Variants in KIFC3 observed in about 807,000 individuals in gnomAD.
The protein encoded by KIFC3 is kinesin family member C3.
Under a neutral mutation model 101.8 loss-of-function variants are expected in KIFC3, and 60 were observed. The ratio of observed to expected loss-of-function variants is 0.59; its 90% CI spans 0.48 to 0.73. The LOEUF (loss-of-function observed/expected upper bound fraction) is 0.73, where lower values mean the gene tolerates loss of function less well. KIFC3 is among the 30% of genes least tolerant of loss of function. The pLI is 0.00. For missense variants in KIFC3, 966 were observed against 1,137.1 expected (o/e 0.85, Z 2.16); for synonymous variants, 476 against 482.7 (o/e 0.99, Z 0.18).
chr16:57,789,524 G>A (rs1237428549), intron 3 of KIFC3, among the ~76,000 whole-genome samples: 1 of 152,334 alleles, frequency 6.6e-6, no homozygotes, highest in Admixed American at 6.5e-5. Context: ...TATAGACAGC[G>A]ATCCTCTCTG....
chr16:57,808,098 A>T (rs190325782), upstream of KIFC3: 1 of 152,290 alleles, frequency 6.6e-6, no homozygotes, highest in Admixed American at 6.5e-5. Context: ...CTAAAGCCTT[A>T]TGACTCAAGG....
chr16:57,812,441 C>T (rs2055108302), intron 1 of KIFC3, among the ~76,000 whole-genome samples: 1 of 151,876 alleles, frequency 6.6e-6, no homozygotes, highest in Non-Finnish European at 1.5e-5. Context: ...CCTCTGCAAT[C>T]ATCCCCCTCT....
At chr16:57,799,375 G>A (rs2054577644) in intron 1 of KIFC3, among the ~76,000 whole-genome samples, 1 of 152,096 alleles carries the variant, frequency 6.6e-6, no homozygotes. Context: ...CTTCCTAGTG[G>A]AGCTTCCTGG....
Position 57,769,533 on chromosome 16 carries a change from T to C in KIFC3, c.1218+62A>G. ...GCTTTGGAGGGACGCCCTGAGTGGATGTCGTGCCTCTCCCAGTGCACCCCC... is the reference window on the plus strand; with the variant it reads ...GCTTTGGAGGGACGCCCTGAGTGGACGTCGTGCCTCTCCCAGTGCACCCCC... On this transcript the variant is annotated intron_variant, in intron 9 of 19. Coordinates refer to ENST00000445690, the MANE Select transcript of KIFC3 (RefSeq NM_001130100.2). This position sits in a 1 kb window ranked among gnomAD's most constrained non-coding sequence, Gnocchi z 4.3. 1 of 1,550,762 alleles carries C rather than the reference T, an allele frequency of 6.4e-7. No homozygotes were observed. Among genetic ancestry groups the C allele is most frequent in the Admixed American group, 1.8e-5 (1 of 56,480 alleles).
chr16:57,805,231 G>A (rs1555626690), upstream of KIFC3, among the ~76,000 whole-genome samples: 4 of 152,124 alleles, frequency 2.6e-5, no homozygotes. Context: ...TCCTGCTTCA[G>A]CCTCCCAAAG....
Position 57,837,513 on chromosome 16 carries a change from A to T in KIFC3, c.108+25216T>A, listed in dbSNP as rs1426888454. 3.0e-5 allele frequency among the ~76,000 whole-genome samples: 4 copies of T among 132,550 alleles called. No individual in the cohort carries two copies. The Admixed American group carries it at 3.2e-4, about 11-fold the overall frequency. 87.0% of individuals were successfully genotyped at this position (132,550 alleles called of 152,430 possible). On this transcript the variant is annotated intron_variant, in intron 1 of 2. Transcript: ENST00000563028. ...GAGAAAGACGGAAGGAAGGAGAAAG[A>T]AAGAAAGAAAAGAGAAAGAAAGAAA...
chr16:57,862,686 T>C, intron 1 of KIFC3: 1 of 775,642 alleles, frequency 1.3e-6, no homozygotes, highest in Non-Finnish European at 1.9e-6. Flanking sequence ...CCAACAGGCC[T>C]CCTCCTCCCA....
chr16:57,834,510 T>G (rs1481781617), intron 1 of KIFC3, among the ~76,000 whole-genome samples: 1 of 152,066 alleles, frequency 6.6e-6, no homozygotes, highest in East Asian at 1.9e-4. Flanking sequence ...TTTTATTTAT[T>G]TATTATTTTA....
At chr16:57,799,656 A>T (rs1568060350) in intron 1 of KIFC3, among the ~76,000 whole-genome samples, 1 of 152,216 alleles carries the variant, frequency 6.6e-6, no homozygotes. Flanking sequence ...AGAGCTAAAC[A>T]GGGCCACCAA....
In KIFC3 at chr16:57,769,758, G is replaced by C. The variant is rs781933404; in HGVS notation, c.1088-33C>G. On this transcript the variant is annotated intron_variant, in intron 8 of 19. Transcript: ENST00000445690. The surrounding 1 kb of genome is among the most constrained non-coding windows in gnomAD (Gnocchi z 4.3). ...GACACTCGGGCTGTGAGGCGGGAGG[G>C]GATGAGGGGCCGCGGCGTGGGGCAG... is the stretch of plus-strand genomic sequence containing the variant. 9.9e-6 allele frequency: 16 copies of C among 1,612,550 alleles called. No homozygotes were observed. The Admixed American group carries it at 2.5e-4, about 25-fold the overall frequency.
At chr16:57,820,770 G>A (rs1451728838) in intron 1 of KIFC3, among the ~76,000 whole-genome samples, 2 of 152,208 alleles carry the variant, frequency 1.3e-5, no homozygotes, top group Admixed American at 1.3e-4. Context: ...GCTTAGCACA[G>A]TGCTTCCACA....
intron 3 of KIFC3, chr16:57,774,926 C>A (rs1015061902): frequency 1.4e-6 from 2 of 1,473,906 alleles, no homozygotes; most frequent in Non-Finnish European, 9.0e-7. Flanking sequence ...TCCTTCCACG[C>A]CCCCTCCCTC....
chr16:57,817,692 A>C (rs782121310), intron 1 of KIFC3, among the ~76,000 whole-genome samples: 3 of 152,198 alleles, frequency 2.0e-5, no homozygotes, highest in Non-Finnish European at 4.4e-5. Context: ...TGACCTCTGC[A>C]TACCTCTGCA....
intron 1 of KIFC3, chr16:57,815,738 A>G (rs1453952738): frequency 4.6e-6 from 5 of 1,096,230 alleles, no homozygotes; most frequent in Middle Eastern, 2.6e-4. Context: ...CCACCCAGCC[A>G]TGGCTTGTCC....
chr16:57,818,603 C>G (rs998077193), intron 1 of KIFC3, among the ~76,000 whole-genome samples: 1 of 152,152 alleles, frequency 6.6e-6, no homozygotes, highest in African/African-American at 2.4e-5. Flanking sequence ...CTCAAGGGAT[C>G]CTCCTGCCTC....
Position 57,769,494 on chromosome 16 carries a change from G to A in KIFC3, c.1218+101C>T. On this transcript the variant is annotated intron_variant, in intron 9 of 19. Transcript: ENST00000445690. This position sits in a 1 kb window ranked among gnomAD's most constrained non-coding sequence, Gnocchi z 4.3. ...GGGTGGGGCAGGGGCTGCTGTCTGA[G>A]CGGCTTTGTCTGAGCTTTGGAGGGA... 10 of 1,454,732 alleles carry A rather than the reference G, an allele frequency of 6.9e-6. No homozygotes were observed. The South Asian group carries it at 1.2e-4, about 17-fold the overall frequency. 90.1% of individuals were successfully genotyped at this position (1,454,732 alleles called of 1,614,324 possible).
chr16:57,862,508 CA>C (rs1959357730), intron 1 of KIFC3, among the ~76,000 whole-genome samples: 1 of 152,066 alleles, frequency 6.6e-6, no homozygotes, highest in African/African-American at 2.4e-5. Flanking sequence ...AAAATAATTT[CA>C]AAAATTGTAT....
chr16:57,823,761 TTGTGTGTG>T (rs542476459), intron 1 of KIFC3, among the ~76,000 whole-genome samples: 2,989 of 136,702 alleles, frequency 0.022, 68 homozygotes, highest in African/African-American at 0.058. Flanking sequence ...CCCGGCTACT[TTGTGTGTG>T]TGTGTGTGTG....
chr16:57,791,055 G>A (rs908605294), intron 3 of KIFC3: 32 of 286,848 alleles, frequency 1.1e-4, no homozygotes, highest in African/African-American at 7.3e-4. Flanking sequence ...CCAGCATGGT[G>A]AAACCCTGTC....
Sources: allele counts gnomAD v4.1 joint callset (sites outside exome capture counted in the v4.1 genomes callset), GRCh38; gene constraint gnomAD v4.1.1; non-coding constraint Gnocchi (gnomAD v3.1); transcripts MANE v1.5; gene names NCBI Gene and HGNC (gene_info 2026-07-23, HGNC 2026-07-21).